The following CDH20 variants were observed in gnomAD, a reference collection of about 807,000 sequenced individuals.
CDH20 encodes the protein cadherin-20.
A neutral mutation model predicts 74.2 loss-of-function variants in CDH20; 29 were observed. The observed-to-expected ratio is 0.39, with a 90% CI of 0.29 to 0.53. The LOEUF (loss-of-function observed/expected upper bound fraction) is 0.53. Ranked by LOEUF, CDH20 falls within the 20% of genes least tolerant of loss-of-function variation. The probability of loss-of-function intolerance (pLI) is 0.69; values close to 1 mark genes in which losing one functional copy is unlikely to be tolerated. For missense variants in CDH20, 988 were observed against 1,048.3 expected, an observed-to-expected ratio of 0.94 and a Z score of 0.79; for synonymous variants, 469 against 405.4, an observed-to-expected ratio of 1.16 and a Z score of -1.88.
chr18:61,450,124 C>A (rs1475302648), intron 1 of CDH20, among the ~76,000 whole-genome samples: 1 of 151,978 alleles, frequency 6.6e-6, no homozygotes, highest in East Asian at 1.9e-4. Context: ...CTATTCAATA[C>A]CAGGCACATT....
In CDH20 at chr18:61,539,118, T is replaced by C. The variant is rs760539157; in HGVS notation, c.1503T>C (p.Phe501=). 2.5e-6 allele frequency: 4 copies of C among 1,614,046 alleles called. No homozygotes were observed. Among genetic ancestry groups the C allele is most frequent in the East Asian group, 4.5e-5 (2 of 44,886 alleles). The stretch of plus-strand genomic sequence containing the variant: ...AGTTCCCCAGATTCTATGAAGCTTT[T>C]GTCTGTGAGAACGCCAAGGCAGGAC... ...APEFPRFYEA[F]VCENAKAGQL... is the part of the protein sequence containing the mutation. Residue 501 remains phenylalanine (F), a synonymous_variant, in exon 9 of 12, where the codon TTT becomes TTC. Transcript: ENST00000262717.
chr18:61,503,414 C>A (rs1045934423), intron 5 of CDH20, among the ~76,000 whole-genome samples: 4 of 151,726 alleles, frequency 2.6e-5, no homozygotes, highest in African/African-American at 9.7e-5. Flanking sequence ...AAATGCAATA[C>A]TAAGGAATAA....
chr18:61,454,418 T>C (rs1909503627), intron 1 of CDH20, among the ~76,000 whole-genome samples: 1 of 152,200 alleles, frequency 6.6e-6, no homozygotes, highest in Non-Finnish European at 1.5e-5. Context: ...TTCCAGGACC[T>C]GTCTGGAATG....
intron 1 of CDH20, among the ~76,000 whole-genome samples, chr18:61,410,502 A>C (rs921830323): frequency 3.3e-5 from 5 of 152,300 alleles, no homozygotes; most frequent in South Asian, 2.1e-4. Context: ...ATTTGACCCA[A>C]CAATTTTGCT....
chr18:61,382,875 G>A (rs778966507), intron 1 of CDH20, among the ~76,000 whole-genome samples: 14 of 152,274 alleles, frequency 9.2e-5, no homozygotes, highest in African/African-American at 2.6e-4. Flanking sequence ...GGCATCCACC[G>A]TGTAAGGCAG....
intron 6 of CDH20, among the ~76,000 whole-genome samples, chr18:61,523,925 A>AG (rs1233828978): frequency 6.6e-6 from 1 of 152,072 alleles, no homozygotes; most frequent in Non-Finnish European, 1.5e-5. Flanking sequence ...GTCGGGGGCT[A>AG]GGGGAGGGAT....
In CDH20 at chr18:61,539,084, A is replaced by G. The variant is rs1244401253; in HGVS notation, c.1469A>G (p.Asn490Ser). Residue 490 changes from asparagine to serine, a missense_variant, in exon 9 of 12, where the codon AAT becomes AGT. This residue lies in a region of CDH20 where 613 missense variants were observed against 755.2 expected (regional missense o/e 0.81). Coordinates refer to ENST00000262717, the MANE Select transcript of CDH20 (RefSeq NM_031891.4). ...VTIKVLDVND[N>S]APEFPRFYEA... ...ATCAAAGTCTTAGATGTGAATGACA[A>G]TGCTCCAGAGTTCCCCAGATTCTAT... The G allele has an allele frequency of 6.2e-7, 1 of 1,613,938 alleles. No homozygotes were observed. The highest frequency in any genetic ancestry group is 8.5e-7 in the Non-Finnish European group (1 of 1,179,968).
intron 1 of CDH20, among the ~76,000 whole-genome samples, chr18:61,422,704 A>C (rs1217959548): frequency 6.6e-6 from 1 of 151,760 alleles, no homozygotes; most frequent in Non-Finnish European, 1.5e-5. Context: ...AATTACTCAC[A>C]GTATACAATA....
intron 1 of CDH20, among the ~76,000 whole-genome samples, chr18:61,459,631 CT>C (rs900521739): frequency 2.0e-5 from 3 of 152,264 alleles, no homozygotes; most frequent in Non-Finnish European, 4.4e-5. Flanking sequence ...CACCTAGGAG[CT>C]TTTCAGAAAT....
intron 2 of CDH20, among the ~76,000 whole-genome samples, chr18:61,497,802 T>C (rs1911224298): frequency 6.6e-6 from 1 of 151,740 alleles, no homozygotes; most frequent in Non-Finnish European, 1.5e-5. Context: ...TCAGGCCAGA[T>C]ATATTGGCCT....
chr18:61,333,998 G>A (rs1477353364), intron 1 of CDH20, among the ~76,000 whole-genome samples, 171 bp downstream of exon 1: 1 of 152,142 alleles, frequency 6.6e-6, no homozygotes, highest in African/African-American at 2.4e-5. Context: ...CTCCGAGTTC[G>A]ACTTCCTCGG....
intron 1 of CDH20, among the ~76,000 whole-genome samples, chr18:61,387,451 A>G (rs574943761): frequency 6.6e-6 from 1 of 152,346 alleles, no homozygotes; most frequent in South Asian, 2.1e-4. Flanking sequence ...GAGAACCTAC[A>G]GGAGCATGTA....
chr18:61,535,535 T>C (rs1406764438), intron 7 of CDH20, among the ~76,000 whole-genome samples: 6 of 152,000 alleles, frequency 3.9e-5, no homozygotes, highest in African/African-American at 9.7e-5. Context: ...CACAACAGAA[T>C]TGGATTGCCA....
At chr18:61,488,791 C>T (rs1490045806) in intron 1 of CDH20, among the ~76,000 whole-genome samples, 1 of 151,954 alleles carries the variant, frequency 6.6e-6, no homozygotes, top group Non-Finnish European at 1.5e-5. Flanking sequence ...ACAGCTATTT[C>T]TCACTAATCT....
At chr18:61,392,479 G>A (rs1020351930) in intron 1 of CDH20, among the ~76,000 whole-genome samples, 18 of 152,112 alleles carry the variant, frequency 1.2e-4, no homozygotes, top group African/African-American at 3.9e-4. Flanking sequence ...TGGATACAGA[G>A]GACAGGCTGT....
At chr18:61,358,871 C>T (rs1462250977) in intron 1 of CDH20, among the ~76,000 whole-genome samples, 1 of 151,950 alleles carries the variant, frequency 6.6e-6, no homozygotes, top group Non-Finnish European at 1.5e-5. Context: ...CTTTTGGTTT[C>T]CCTGTTTTAT....
chr18:61,437,021 C>T lies in CDH20; in HGVS notation c.-152-53381C>T, dbSNP rs559759722. Among the ~76,000 whole-genome samples the T allele has an allele frequency of 3.3e-5, 5 of 152,254 alleles. No individual in the cohort carries two copies. The South Asian group carries it at 1.0e-3, about 32-fold the overall frequency. On this transcript the variant is annotated intron_variant, in intron 1 of 11. Transcript: ENST00000262717. Reference sequence around the variant, plus strand: ...CATGAGGAATATAAAAGAAGTAGAACTATTCCTGGAACATAGTAGGCACTC... The same window carrying T: ...CATGAGGAATATAAAAGAAGTAGAATTATTCCTGGAACATAGTAGGCACTC...
intron 1 of CDH20, among the ~76,000 whole-genome samples, chr18:61,381,853 C>A (rs894990691): frequency 1.3e-5 from 2 of 152,130 alleles, no homozygotes; most frequent in Non-Finnish European, 2.9e-5. Flanking sequence ...ACTGACCTTC[C>A]CTCTCAAAAG....
chr18:61,455,280 T>C (rs1015230165), intron 1 of CDH20, among the ~76,000 whole-genome samples: 5 of 152,188 alleles, frequency 3.3e-5, no homozygotes, highest in Non-Finnish European at 7.4e-5. Flanking sequence ...AATCTTGGAA[T>C]AGTAAACAGA....
Sources: gnomAD v4.1 joint callset for allele counts (sites outside exome capture counted in the v4.1 genomes callset) on GRCh38, gnomAD v4.1.1 for gene constraint, gnomAD v4.1.1 regional missense constraint, MANE v1.5 for transcripts, NCBI Gene and HGNC (gene_info 2026-07-23, HGNC 2026-07-21) for gene names.